Variants in MCU observed in about 807,000 individuals in gnomAD.
MCU encodes calcium uniporter protein, mitochondrial.
A neutral mutation model predicts 45.2 loss-of-function variants in MCU; 12 were observed. The ratio of observed to expected loss-of-function variants is 0.27; its 90% CI spans 0.17 to 0.43. The LOEUF (loss-of-function observed/expected upper bound fraction) is 0.43, where lower values mean the gene tolerates loss of function less well. MCU is among the 20% of genes least tolerant of loss of function. The probability of loss-of-function intolerance (pLI) is 1.00; values close to 1 mark genes in which losing one functional copy is unlikely to be tolerated. For synonymous variants in MCU, 160 were observed against 165.1 expected, an observed-to-expected ratio of 0.97 and a Z score of 0.24; for missense variants, 324 against 436.7, an observed-to-expected ratio of 0.74 and a Z score of 2.30.
At chr10:72,840,830 AC>A (rs1845036966) in intron 2 of MCU, among the ~76,000 whole-genome samples, 1 of 152,176 alleles carries the variant, frequency 6.6e-6, no homozygotes, top group Non-Finnish European at 1.5e-5. Flanking sequence ...ACAGTTTGAA[AC>A]TTTACCAAAA....
chr10:72,761,513 C>T (rs112010164), intron 1 of MCU, among the ~76,000 whole-genome samples: 4 of 152,226 alleles, frequency 2.6e-5, no homozygotes, highest in South Asian at 2.1e-4. Context: ...ATTTTATGAT[C>T]GGCACTGCCA....
chr10:72,792,775 G>C (rs1397433712), intron 1 of MCU, among the ~76,000 whole-genome samples: 1 of 137,976 alleles, frequency 7.2e-6, no homozygotes, highest in Non-Finnish European at 1.5e-5. Context: ...ATCTTCTCAG[G>C]AGTTTGCGTC....
At chr10:72,775,366 C>T (rs1009273665) in intron 1 of MCU, among the ~76,000 whole-genome samples, 1 of 151,766 alleles carries the variant, frequency 6.6e-6, no homozygotes, top group Non-Finnish European at 1.5e-5. Flanking sequence ...ATATAACATA[C>T]CAAAATCTAT....
intron 1 of MCU, chr10:72,766,735 A>G (rs1172149884): frequency 6.6e-6 from 1 of 152,192 alleles, no homozygotes; most frequent in African/African-American, 2.4e-5. Flanking sequence ...CTTATTGATC[A>G]ATTATGATTG....
chr10:72,765,669 C>G (rs953848316), intron 1 of MCU, among the ~76,000 whole-genome samples: 1 of 151,182 alleles, frequency 6.6e-6, no homozygotes, highest in African/African-American at 2.4e-5. Context: ...TGGCACGTAT[C>G]TCTGGTGCCA....
rs181606376 is a variant in MCU, at chr10:72,728,598, G to A, written c.150+36297G>A. 1.1e-3 allele frequency among the ~76,000 whole-genome samples: 164 copies of A among 152,258 alleles called. No homozygotes were observed. In the East Asian group the frequency reaches 0.012, roughly 11 times the overall value. Reference sequence around the variant, plus strand: ...TGAGATGGGGGTGGGGGTTTAGGGCGTGGATATTATATGGTCTTATACTTA... The same window carrying A: ...TGAGATGGGGGTGGGGGTTTAGGGCATGGATATTATATGGTCTTATACTTA... On this transcript the variant is annotated intron_variant, in intron 1 of 7. Coordinates refer to ENST00000373053, the MANE Select transcript of MCU (RefSeq NM_138357.3).
At chr10:72,795,424 A>G (rs1421213035) in intron 1 of MCU, among the ~76,000 whole-genome samples, 3 of 152,242 alleles carry the variant, frequency 2.0e-5, no homozygotes, top group African/African-American at 7.2e-5. Flanking sequence ...AAGAAAAATG[A>G]GTAAATTTTA....
intron 1 of MCU, among the ~76,000 whole-genome samples, chr10:72,731,653 T>C (rs1445582995): frequency 6.6e-6 from 1 of 152,210 alleles, no homozygotes; most frequent in Non-Finnish European, 1.5e-5. Context: ...ATCACTAATC[T>C]TTCTTATTTC....
At chr10:72,818,147 A>C (rs1346055651) in intron 1 of MCU, among the ~76,000 whole-genome samples, 1 of 152,260 alleles carries the variant, frequency 6.6e-6, no homozygotes, top group Non-Finnish European at 1.5e-5. Context: ...TCTTCTGGCT[A>C]TATTAGATTG....
At chr10:72,812,444 A>C (rs572052823) in intron 1 of MCU, among the ~76,000 whole-genome samples, 6 of 152,090 alleles carry the variant, frequency 3.9e-5, no homozygotes, top group African/African-American at 1.4e-4. Flanking sequence ...CTGCGCCCAT[A>C]CTCCAGATTT....
chr10:72,720,273 A>G (rs1317969781), intron 1 of MCU, among the ~76,000 whole-genome samples: 2 of 152,220 alleles, frequency 1.3e-5, no homozygotes, highest in African/African-American at 4.8e-5. Context: ...CCTATAAAGT[A>G]GGTACTATAA....
chr10:72,752,030 G>A lies in MCU; in HGVS notation c.150+59729G>A, dbSNP rs570459535. 1.1e-4 allele frequency among the ~76,000 whole-genome samples: 17 copies of A among 151,660 alleles called. No individual in the cohort carries two copies. In the East Asian group the frequency reaches 2.7e-3, roughly 24 times the overall value. On this transcript the variant is annotated intron_variant, in intron 1 of 7. Coordinates refer to ENST00000373053, the MANE Select transcript of MCU (RefSeq NM_138357.3). The stretch of plus-strand genomic sequence containing the variant: ...AATTTTTTGTATTTTTAATAGAGAC[G>A]GGGTTTCACCATGTTAGCCAGGATG...
At chr10:72,761,634 GA>G (rs1319437474) in intron 1 of MCU, among the ~76,000 whole-genome samples, 1 of 152,136 alleles carries the variant, frequency 6.6e-6, no homozygotes, top group East Asian at 1.9e-4. Context: ...GTTGATGTAA[GA>G]CATTTAATTT....
chr10:72,850,199 CT>C (rs1292782380), intron 2 of MCU, among the ~76,000 whole-genome samples: 5 of 152,152 alleles, frequency 3.3e-5, no homozygotes, highest in African/African-American at 4.8e-5. Context: ...TTACTAGACT[CT>C]GTTATTCTTA....
At chr10:72,872,934 A>T (rs1159876341) in intron 6 of MCU, among the ~76,000 whole-genome samples, 2 of 135,504 alleles carry the variant, frequency 1.5e-5, no homozygotes, top group African/African-American at 2.8e-5. Context: ...CTTTTTTATT[A>T]TAGCCATTTT....
At chr10:72,796,376 G>T (rs781707688) in intron 1 of MCU, among the ~76,000 whole-genome samples, 2 of 152,158 alleles carry the variant, frequency 1.3e-5, no homozygotes, top group African/African-American at 4.8e-5. Context: ...AGCTATGATT[G>T]TATCACTGCA....
chr10:72,852,892 T>C (rs1287199341), intron 2 of MCU, among the ~76,000 whole-genome samples: 4 of 152,208 alleles, frequency 2.6e-5, no homozygotes, highest in Non-Finnish European at 1.5e-5. Flanking sequence ...TTTGCTTCCC[T>C]CTAGCCACAG....
At chr10:72,849,693 A>G (rs1361853414) in intron 2 of MCU, among the ~76,000 whole-genome samples, 1 of 152,152 alleles carries the variant, frequency 6.6e-6, no homozygotes, top group African/African-American at 2.4e-5. Flanking sequence ...GACAGAAAGA[A>G]AAGCTAGAAG....
At chr10:72,799,757 A>G (rs936217349) in intron 1 of MCU, among the ~76,000 whole-genome samples, 1 of 152,180 alleles carries the variant, frequency 6.6e-6, no homozygotes. Context: ...AATAAATGTC[A>G]TTATTATTAA....
Sources: gnomAD v4.1 joint callset for allele counts (sites outside exome capture counted in the v4.1 genomes callset) on GRCh38, gnomAD v4.1.1 for gene constraint, MANE v1.5 for transcripts, NCBI Gene and HGNC (gene_info 2026-07-23, HGNC 2026-07-21) for gene names.